The following ANXA10 variants were observed in gnomAD, a reference collection of about 807,000 sequenced individuals.
ANXA10 encodes annexin 14.
In ANXA10, 49 loss-of-function variants were observed where a neutral mutation model predicts 53.5. The ratio of observed to expected loss-of-function variants is 0.92; its 90% confidence interval spans 0.73 to 1.16. The LOEUF is 1.16. Among genes scored for constraint, ANXA10 ranks in the 50% most tolerant of loss-of-function variants. The pLI is 0.00. For synonymous variants in ANXA10, 131 were observed against 128.9 expected (o/e 1.02, Z -0.11); for missense variants, 393 against 394.4 (o/e 1.00, Z 0.03).
intron 2 of ANXA10, among the ~76,000 whole-genome samples, chr4:168,133,650 A>G (rs530264128): frequency 6.6e-6 from 1 of 152,244 alleles, no homozygotes; most frequent in East Asian, 1.9e-4. Flanking sequence ...TCATAAGGAC[A>G]TTGGCAAACA....
intron 1 of ANXA10, among the ~76,000 whole-genome samples, chr4:168,112,406 T>C (rs1326176449): frequency 1.3e-5 from 2 of 152,148 alleles, no homozygotes; most frequent in African/African-American, 2.4e-5. Flanking sequence ...CTTATGACTA[T>C]ATGTAAAGAT....
At chr4:168,113,089 A>G (rs544259338) in intron 1 of ANXA10, 2 of 152,374 alleles carry the variant, frequency 1.3e-5, no homozygotes, top group African/African-American at 2.4e-5. Flanking sequence ...AACTTTAGTA[A>G]TAGGACCAAT....
rs146797251 is a variant in ANXA10, at chr4:168,187,472, T to C, written c.*38T>C. On this transcript the variant is annotated 3_prime_UTR_variant, in exon 12 of 12. Coordinates refer to ENST00000359299, the MANE Select transcript of ANXA10 (RefSeq NM_007193.5). ...TTGGAGTACTGTGCACTCCTCTTTCTAGACACTTCCAAATAGAGATTTTCT... is the reference window on the plus strand; with the variant it reads ...TTGGAGTACTGTGCACTCCTCTTTCCAGACACTTCCAAATAGAGATTTTCT... 1.1e-5 allele frequency: 15 copies of C among 1,349,528 alleles called. No individual in the cohort carries two copies. The Admixed American group carries it at 2.9e-4, about 26-fold the overall frequency. The allele number at this position is 1,349,528 out of a possible 1,614,324, so 83.6% of individuals were successfully genotyped here. A position where few individuals can be genotyped will look rare whatever the true frequency, so the allele number is the denominator to read the frequency against.
chr4:168,106,006 T>C (rs138097482), intron 1 of ANXA10, among the ~76,000 whole-genome samples: 180 of 152,288 alleles, frequency 1.2e-3, no homozygotes, highest in African/African-American at 3.7e-3. Flanking sequence ...TCTTTGTAGA[T>C]ATGTTTAAGT....
At chr4:168,173,897 G>A (rs190911480) in intron 6 of ANXA10, among the ~76,000 whole-genome samples, 98 of 151,502 alleles carry the variant, frequency 6.5e-4, no homozygotes, top group African/African-American at 1.7e-3. Flanking sequence ...GCCTTTTTGC[G>A]TCCTAACAAA....
chr4:168,108,305 C>G (rs908189182), intron 1 of ANXA10, among the ~76,000 whole-genome samples: 3 of 152,120 alleles, frequency 2.0e-5, no homozygotes, highest in East Asian at 1.9e-4. Flanking sequence ...GCCTAACTGT[C>G]TGGGAATGCA....
intron 1 of ANXA10, among the ~76,000 whole-genome samples, chr4:168,105,023 A>C (rs1730697400): frequency 6.6e-6 from 1 of 151,990 alleles, no homozygotes; most frequent in Non-Finnish European, 1.5e-5. Context: ...TGATAAATGT[A>C]GATGAGTGAA....
chr4:168,158,029 G>T (rs560407828), intron 3 of ANXA10, among the ~76,000 whole-genome samples: 1 of 152,098 alleles, frequency 6.6e-6, no homozygotes, highest in Non-Finnish European at 1.5e-5. Context: ...GTTTGCTAAC[G>T]TGGTTGCAAT....
Position 168,155,792 on chromosome 4 carries a change from ATAATATATAATATATG to A in ANXA10, c.196-6735_196-6720del, listed in dbSNP as rs1560783743. 6.0e-3 allele frequency among the ~76,000 whole-genome samples: 276 copies of A among 46,084 alleles called. 23 individuals are homozygous for A. The highest frequency in any genetic ancestry group is 0.021 in the African/African-American group (211 of 10,152). The allele number at this position is 46,084 out of a possible 152,430, so 30.2% of individuals were successfully genotyped here. A position where few individuals can be genotyped will look rare whatever the true frequency, so the allele number is the denominator to read the frequency against. On this transcript the variant is annotated intron_variant, in intron 3 of 11. Coordinates refer to ENST00000359299, the MANE Select transcript of ANXA10 (RefSeq NM_007193.5). ...ATATATCATATATTATATATTATAT[ATAATATATAATATATG>A]ATATATTATATATGATATATGATAT...
chr4:168,153,441 ACAAAAACAAAAACAAAAC>A lies in ANXA10; in HGVS notation c.196-9086_196-9069del, dbSNP rs1560782281. On this transcript the variant is annotated intron_variant, in intron 3 of 11. Transcript: ENST00000359299. ...CTAAAGCAAAAAAAAAAAAAAAAAA[ACAAAAACAAAAACAAAAC>A]AAAAAAAAAAACCAATAACAACAAC... Among the ~76,000 whole-genome samples, 14 of 54,272 alleles carry A rather than the reference ACAAAAACAAAAACAAAAC, an allele frequency of 2.6e-4. 1 individual carries two copies. Among genetic ancestry groups the A allele is most frequent in the Admixed American group, 5.3e-4 (3 of 5,640 alleles). The allele number at this position is 54,272 out of a possible 152,430, so 35.6% of individuals were successfully genotyped here. A position where few individuals can be genotyped will look rare whatever the true frequency, so the allele number is the denominator to read the frequency against.
At chr4:168,122,404 A>G (rs993764458) in intron 1 of ANXA10, among the ~76,000 whole-genome samples, 2 of 152,232 alleles carry the variant, frequency 1.3e-5, no homozygotes, top group African/African-American at 4.8e-5. Flanking sequence ...TAAGCCCAAT[A>G]TAATACTCTG....
intron 2 of ANXA10, among the ~76,000 whole-genome samples, 191 bp from the exon 3 acceptor site, chr4:168,139,295 A>T (rs1273157944): frequency 6.6e-6 from 1 of 152,168 alleles, no homozygotes; most frequent in African/African-American, 2.4e-5. Flanking sequence ...ATGGCACTAA[A>T]TTAGGAGATA....
At chr4:168,109,392 T>C (rs1013948667) in intron 1 of ANXA10, among the ~76,000 whole-genome samples, 1 of 152,230 alleles carries the variant, frequency 6.6e-6, no homozygotes, top group African/African-American at 2.4e-5. Context: ...CTCTTACTCC[T>C]TCTATCTTTG....
chr4:168,126,554 C>T (rs2149469453), intron 1 of ANXA10, among the ~76,000 whole-genome samples: 1 of 152,280 alleles, frequency 6.6e-6, no homozygotes, highest in South Asian at 2.1e-4. Context: ...AGTCCCACTT[C>T]CCAGATCGCT....
rs780167770 is a variant in ANXA10 at position 168,092,660 on chromosome 4, A to C, written c.-41A>C. On this transcript the variant is annotated 5_prime_UTR_variant, in exon 1 of 12. Coordinates refer to ENST00000359299, the MANE Select transcript of ANXA10 (RefSeq NM_007193.5). ...ACAGTGAAACAAGTTTATGCAATCG[A>C]TCAAATATTTTCATCCCTGAGGTTA... 13 of 1,574,746 alleles carry C rather than the reference A, an allele frequency of 8.3e-6. No homozygotes were observed. The highest frequency in any genetic ancestry group is 1.1e-5 in the Non-Finnish European group (13 of 1,157,558).
chr4:168,187,520 C>T lies in ANXA10; in HGVS notation c.*86C>T. ...TCTCACAAATTTGTACTGTTCATGG[C>T]ACTATTAACAAAACTATACAATCAT... On this transcript the variant is annotated 3_prime_UTR_variant, in exon 12 of 12. Transcript: ENST00000359299. 3 of 767,774 alleles carry T rather than the reference C, an allele frequency of 3.9e-6. No homozygotes were observed. The highest frequency in any genetic ancestry group is 2.8e-5 in the Admixed American group (1 of 35,348). The allele number at this position is 767,774 out of a possible 1,614,324, so 47.6% of individuals were successfully genotyped here.
intron 2 of ANXA10, among the ~76,000 whole-genome samples, chr4:168,130,117 G>A (rs1203398029): frequency 2.0e-5 from 3 of 152,052 alleles, no homozygotes; most frequent in African/African-American, 4.8e-5. Context: ...TTTTGAAAAC[G>A]TTCATTATGA....
chr4:168,103,955 C>T (rs1376537460), intron 1 of ANXA10, among the ~76,000 whole-genome samples: 1 of 151,856 alleles, frequency 6.6e-6, no homozygotes, highest in Non-Finnish European at 1.5e-5. Context: ...TTCTTGCTTT[C>T]TTCCTAGTCT....
intron 1 of ANXA10, among the ~76,000 whole-genome samples, chr4:168,095,041 T>TTATTATAA (rs1730518751): frequency 6.6e-6 from 1 of 152,084 alleles, no homozygotes; most frequent in South Asian, 2.1e-4. Flanking sequence ...TAGGAAGATA[T>TTATTATAA]TATTATAATA....
Sources: gnomAD v4.1 joint callset for allele counts (sites outside exome capture counted in the v4.1 genomes callset) on GRCh38, gnomAD v4.1.1 for gene constraint, MANE v1.5 for transcripts, NCBI Gene and HGNC (gene_info 2026-07-23, HGNC 2026-07-21) for gene names.